Variants in ZCCHC7 observed in about 807,000 individuals in gnomAD.
ZCCHC7 encodes zinc finger CCHC-type containing 7, also known as zinc finger CCHC domain-containing protein 7.
In ZCCHC7, 35 loss-of-function variants were observed where a neutral mutation model predicts 52.0. The observed-to-expected ratio is 0.67, with a 90% CI of 0.51 to 0.89. ZCCHC7 has a LOEUF of 0.89. ZCCHC7 is among the 40% of genes least tolerant of loss of function. The probability of loss-of-function intolerance (pLI) is 0.00; values close to 1 mark genes in which losing one functional copy is unlikely to be tolerated. For missense variants in ZCCHC7, 574 were observed against 649.1 expected, an observed-to-expected ratio of 0.88 and a Z score of 1.26; for synonymous variants, 217 against 221.5, an observed-to-expected ratio of 0.98 and a Z score of 0.18.
intron 2 of ZCCHC7, among the ~76,000 whole-genome samples, chr9:37,141,049 A>G (rs182405697): frequency 3.9e-5 from 6 of 151,970 alleles, no homozygotes; most frequent in Non-Finnish European, 8.8e-5. Flanking sequence ...ATTTATTAAA[A>G]CTAATAAAAT....
intron 2 of ZCCHC7, among the ~76,000 whole-genome samples, chr9:37,185,232 A>G (rs534922059): frequency 1.1e-3 from 169 of 152,158 alleles, no homozygotes; most frequent in Non-Finnish European, 2.1e-3. Context: ...TTGCTATGTT[A>G]GGTACACATA....
chr9:37,214,169 C>T (rs1308579134), intron 2 of ZCCHC7, among the ~76,000 whole-genome samples: 1 of 151,860 alleles, frequency 6.6e-6, no homozygotes, highest in Non-Finnish European at 1.5e-5. Context: ...TTAAGTTATC[C>T]AGTAGTTTAA....
chr9:37,210,383 A>G (rs1029040641), intron 2 of ZCCHC7, among the ~76,000 whole-genome samples: 9 of 152,232 alleles, frequency 5.9e-5, no homozygotes, highest in African/African-American at 2.2e-4. Flanking sequence ...AGTATTTATA[A>G]TATTAAAATG....
At chr9:37,322,939 T>G (rs1830109080) in intron 5 of ZCCHC7, among the ~76,000 whole-genome samples, 1 of 152,150 alleles carries the variant, frequency 6.6e-6, no homozygotes, top group Admixed American at 6.6e-5. Context: ...GCCAAATTGA[T>G]GTTGTCATAA....
intron 2 of ZCCHC7, among the ~76,000 whole-genome samples, chr9:37,282,604 CAAAA>C (rs60743608): frequency 3.8e-5 from 2 of 52,542 alleles, no homozygotes; most frequent in African/African-American, 1.6e-4. Context: ...GACTCTGTCT[CAAAA>C]AAAAAAAAAA....
intron 2 of ZCCHC7, among the ~76,000 whole-genome samples, chr9:37,198,695 G>A (rs541595919): frequency 1.3e-5 from 2 of 152,290 alleles, no homozygotes; most frequent in Admixed American, 6.5e-5. Context: ...TAATGATAGA[G>A]CTTGCTCCCT....
chr9:37,259,079 CAAAA>C (rs964697153), intron 2 of ZCCHC7, among the ~76,000 whole-genome samples: 4 of 151,646 alleles, frequency 2.6e-5, no homozygotes, highest in African/African-American at 4.8e-5. Context: ...AAAAACAAAA[CAAAA>C]AAAACTTGGG....
intron 2 of ZCCHC7, among the ~76,000 whole-genome samples, chr9:37,186,510 A>G (rs1295253838): frequency 1.3e-5 from 2 of 152,196 alleles, no homozygotes; most frequent in African/African-American, 2.4e-5. Flanking sequence ...TTTAGAGATT[A>G]TATACTGTAA....
chr9:37,200,541 T>C (rs988110048), intron 2 of ZCCHC7, among the ~76,000 whole-genome samples: 2 of 152,256 alleles, frequency 1.3e-5, no homozygotes, highest in Non-Finnish European at 2.9e-5. Context: ...TGTATGTGTG[T>C]TTATTAAAGT....
chr9:37,138,498 A>G (rs1843089385), intron 2 of ZCCHC7, among the ~76,000 whole-genome samples: 2 of 152,106 alleles, frequency 1.3e-5, no homozygotes, highest in Non-Finnish European at 2.9e-5. Flanking sequence ...TTTTCTTTTC[A>G]ACAATGTTAA....
chr9:37,148,348 G>A (rs910965218), intron 2 of ZCCHC7, among the ~76,000 whole-genome samples: 4 of 152,030 alleles, frequency 2.6e-5, no homozygotes, highest in African/African-American at 7.2e-5. Flanking sequence ...TAGAGTCATG[G>A]GGTGCAGGAG....
At chr9:37,183,978 C>G (rs1412375917) in intron 2 of ZCCHC7, among the ~76,000 whole-genome samples, 1 of 152,198 alleles carries the variant, frequency 6.6e-6, no homozygotes, top group Admixed American at 6.5e-5. Flanking sequence ...TTGAGCCCCT[C>G]CTTTCCCTGC....
At chr9:37,156,055 G>A (rs1564146192) in intron 2 of ZCCHC7, among the ~76,000 whole-genome samples, 3 of 152,180 alleles carry the variant, frequency 2.0e-5, no homozygotes, top group African/African-American at 7.2e-5. Flanking sequence ...TAGTTCATGT[G>A]TGTTAGCTGT....
chr9:37,301,121 T>C (rs560023232), intron 2 of ZCCHC7, among the ~76,000 whole-genome samples: 1 of 152,210 alleles, frequency 6.6e-6, no homozygotes, highest in East Asian at 1.9e-4. Context: ...AATGCAAAGC[T>C]AGTGGACACA....
At position 37,296,881 on chromosome 9, in the gene ZCCHC7, T is replaced by TTGTGTGTGTGTGTGTGTG. The variant is rs56378965; in HGVS notation, c.611-5277_611-5260dup. ...GCATGCACCACCATACCTGGCTAGT[T>TTGTGTGTGTGTGTGTGTG]TGTGTGTGTGTGTGTGTGTGTGTGT... On this transcript the variant is annotated intron_variant, in intron 2 of 8. Transcript: ENST00000336755. Among the ~76,000 whole-genome samples, 387 of 124,192 alleles carry TTGTGTGTGTGTGTGTGTG rather than the reference T, an allele frequency of 3.1e-3. 8 individuals carry two copies. Among genetic ancestry groups the TTGTGTGTGTGTGTGTGTG allele is most frequent in the Non-Finnish European group, 3.6e-3 (216 of 59,918 alleles). 81.5% of individuals were successfully genotyped at this position (124,192 alleles called of 152,430 possible).
intron 2 of ZCCHC7, among the ~76,000 whole-genome samples, chr9:37,161,656 A>T (rs779980949): frequency 6.6e-6 from 1 of 152,174 alleles, no homozygotes; most frequent in Non-Finnish European, 1.5e-5. Context: ...TACATTAATA[A>T]TCTCAGGCCC....
chr9:37,177,280 A>G (rs1588432678), intron 2 of ZCCHC7, among the ~76,000 whole-genome samples: 1 of 152,174 alleles, frequency 6.6e-6, no homozygotes, highest in East Asian at 1.9e-4. Context: ...GTTTGCAGTG[A>G]GCTGAGACCA....
At chr9:37,308,202 G>A (rs1165534438) in intron 5 of ZCCHC7, among the ~76,000 whole-genome samples, 1 of 152,130 alleles carries the variant, frequency 6.6e-6, no homozygotes, top group African/African-American at 2.4e-5. Context: ...AAGTACTTTA[G>A]TCTTATTTTT....
chr9:37,347,012 G>A (rs560491229), intron 6 of ZCCHC7, among the ~76,000 whole-genome samples: 1 of 152,094 alleles, frequency 6.6e-6, no homozygotes, highest in African/African-American at 2.4e-5. Context: ...AAATTAGTTG[G>A]CAGACTAGCA....
Sources: gnomAD v4.1 joint callset for allele counts (sites outside exome capture counted in the v4.1 genomes callset) on GRCh38, gnomAD v4.1.1 for gene constraint, MANE v1.5 for transcripts, NCBI Gene and HGNC (gene_info 2026-07-23, HGNC 2026-07-21) for gene names.